GNAT2: variants seen among roughly 807,000 people sequenced by gnomAD.
GNAT2 encodes G protein subunit alpha transducin 2.
GNAT2 carries 32 observed loss-of-function variants against 40.9 expected under a neutral mutation model. That is an observed-to-expected ratio of 0.78 (90% CI 0.59 to 1.05). The LOEUF is 1.05. Among genes scored for constraint, GNAT2 ranks in the 50% least tolerant of loss-of-function variants. The pLI is 0.00. For synonymous variants in GNAT2, 141 were observed against 157.2 expected (o/e 0.90, Z 0.77); for missense variants, 355 against 431.5 (o/e 0.82, Z 1.57).
intron 4 of GNAT2, 167 bp from the exon 5 acceptor site, chr1:109,608,955 G>C: frequency 1.4e-6 from 1 of 691,846 alleles, no homozygotes; most frequent in African/African-American, 1.7e-5. Context: ...GAATTTTTGA[G>C]TATGCTCCCC....
rs751871050 is a variant in GNAT2, at chr1:109,603,937, C to A, written c.874+14G>T. The A allele has an allele frequency of 4.4e-6, 7 of 1,574,458 alleles. No homozygotes were observed. Among genetic ancestry groups the A allele is most frequent in the Non-Finnish European group, 6.1e-6 (7 of 1,145,034 alleles). On this transcript the variant is annotated intron_variant, in intron 8 of 8. Coordinates refer to ENST00000679935, the MANE Select transcript of GNAT2 (RefSeq NM_001377295.2). ...TAAAAGGCATTATTATTATTTCCAG[C>A]CCCTGACACTTACCATCATACTCTG...
At chr1:109,618,006 C>A (rs987854179) in intron 1 of GNAT2, 7 of 152,114 alleles carry the variant, frequency 4.6e-5, no homozygotes, top group African/African-American at 1.4e-4. Context: ...GGGGTTAAGA[C>A]CCCGGGAAGG....
intron 7 of GNAT2, 92 bp downstream of exon 7, chr1:109,605,878 T>TA (rs1232689730): frequency 1.8e-6 from 2 of 1,141,362 alleles, no homozygotes; most frequent in Non-Finnish European, 2.7e-6. Flanking sequence ...TGAAATTACC[T>TA]AAGTTGGGGC....
chr1:109,606,416 C>T lies in GNAT2; in HGVS notation c.482G>A (p.Arg161Gln), dbSNP rs983915440. 2.5e-6 allele frequency: 4 copies of T among 1,613,194 alleles called. No homozygotes were observed. Among genetic ancestry groups the T allele is most frequent in the East Asian group, 4.5e-5 (2 of 44,882 alleles). The stretch of plus-strand genomic sequence containing the variant: ...AGGGAGGTACTCAGGGTCTGTAATT[C>T]GTTCTAATTGGTTCAGGTAGCTAGA... ...SASYYLNQLERITDPEYLPSE... is the reference protein window; with the variant it reads ...SASYYLNQLEQITDPEYLPSE... Residue 161 changes from arginine to glutamine, a missense_variant, in exon 6 of 9, where the codon CGA becomes CAA. By Grantham distance (43) the Arg-to-Gln change is conservative (BLOSUM62 1). Coordinates refer to ENST00000679935, the MANE Select transcript of GNAT2 (RefSeq NM_001377295.2).
chr1:109,603,778 G>C, intron 8 of GNAT2, 173 bp downstream of exon 8: 1 of 674,688 alleles, frequency 1.5e-6, no homozygotes, highest in Non-Finnish European at 2.6e-6. Context: ...TATGAAGTCA[G>C]TGGCTCTCCT....
chr1:109,614,231 A>C, intron 1 of GNAT2: 1 of 152,178 alleles, frequency 6.6e-6, no homozygotes, highest in East Asian at 1.9e-4. Flanking sequence ...GACTCTAAAG[A>C]CATTAAAGAT....
chr1:109,606,460 A>T, intron 5 of GNAT2, 24 bp from the exon 6 acceptor site: 1 of 1,610,296 alleles, frequency 6.2e-7, no homozygotes, highest in Non-Finnish European at 8.5e-7. Context: ...ATTAGCATCA[A>T]TGACAAATTT....
At chr1:109,609,875 AGATGG>A (rs1190242610) in intron 4 of GNAT2, 160 bp downstream of exon 4, 6 of 736,872 alleles carry the variant, frequency 8.1e-6, no homozygotes, top group Non-Finnish European at 1.5e-5. Flanking sequence ...AAGGGCCTTG[AGATGG>A]TATACACAGT....
At position 109,603,434 on chromosome 1, in the gene GNAT2, T is replaced by C. The variant is rs1649492826; in HGVS notation, c.985A>G (p.Thr329Ala). The C allele has an allele frequency of 1.3e-6, 2 of 1,599,844 alleles. No homozygotes were observed. Among genetic ancestry groups the C allele is most frequent in the Non-Finnish European group, 8.6e-7 (1 of 1,166,944 alleles). ...TCAAACACAAATTTGACATTCTGTGTATCTGTAGCACAGGTCATGTGACTG... is the reference window on the plus strand; with the variant it reads ...TCAAACACAAATTTGACATTCTGTGCATCTGTAGCACAGGTCATGTGACTG... ...IYSHMTCATD[T>A]QNVKFVFDAV... is the part of the protein sequence containing the mutation. Residue 329 changes from threonine (T) to alanine (A), a missense_variant, in exon 9 of 9, where the codon ACA becomes GCA. Coordinates refer to ENST00000679935, the MANE Select transcript of GNAT2 (RefSeq NM_001377295.2).
rs1239300204 is a variant in GNAT2, at chr1:109,612,847, C to G, written c.24G>C (p.Glu8Asp). The change falls in exon 2 of 9, where the codon GAG becomes GAC. Residue 8 changes from glutamate to aspartate, a missense_variant. Glu to Asp is a conservative substitution (Grantham distance 45, BLOSUM62 2). Coordinates refer to ENST00000679935, the MANE Select transcript of GNAT2 (RefSeq NM_001377295.2). The part of the protein sequence containing the change: MGSGASA[E>D]DKELAKRSKE... ...TGGACCTCTTGGCCAGTTCTTTGTC[C>G]TCAGCACTGGCTCCACTTCCCATAT... 1 of 1,611,768 alleles carries G rather than the reference C, an allele frequency of 6.2e-7. No individual in the cohort carries two copies. Among genetic ancestry groups the G allele is most frequent in the Non-Finnish European group, 8.5e-7 (1 of 1,178,008 alleles).
rs753280339 is a variant in GNAT2, at chr1:109,603,987, T to C, written c.838A>G (p.Lys280Glu). 5 of 1,611,076 alleles carry C rather than the reference T, an allele frequency of 3.1e-6. No individual in the cohort carries two copies. Among genetic ancestry groups the C allele is most frequent in the Admixed American group, 3.3e-5 (2 of 60,024 alleles). ...GGAAAACAAATGCTGAGATGGACTT[T>C]CTTGATTTTTTCCTCAAAGAGGTCC... ...KKDLFEEKIKKVHLSICFPEY... is the reference protein window; with the variant it reads ...KKDLFEEKIKEVHLSICFPEY... The change falls in exon 8 of 9, where the codon AAA becomes GAA. Residue 280 changes from lysine (K) to glutamate (E), a missense_variant. Transcript: ENST00000679935.
chr1:109,615,480 C>T (rs1034669767), intron 1 of GNAT2: 1 of 151,894 alleles, frequency 6.6e-6, no homozygotes, highest in Admixed American at 6.6e-5. Context: ...AAAAAAAATA[C>T]AAAAATTAGC....
chr1:109,607,107 T>G (rs1169782402), intron 5 of GNAT2: 1 of 152,040 alleles, frequency 6.6e-6, no homozygotes, highest in African/African-American at 2.4e-5. Flanking sequence ...TTATTTCTAC[T>G]TTTGTATGTT....
At chr1:109,613,311 G>T in intron 1 of GNAT2, 1 of 269,200 alleles carries the variant, frequency 3.7e-6, no homozygotes, top group Non-Finnish European at 7.3e-6. Context: ...CATAGAGCTA[G>T]AGATTACTGG....
Position 109,610,502 on chromosome 1 carries a change from C to G in GNAT2, c.124G>C (p.Gly42Arg), listed in dbSNP as rs1158203282. Residue 42 changes from glycine (G) to arginine (R), a missense_variant, in exon 3 of 9, where the codon GGG becomes CGG. By Grantham distance (125) the Gly-to-Arg change is moderately radical (BLOSUM62 -2). Transcript: ENST00000679935. ...KTVKLLLLGA[G>R]ESGKSTIVKQ... ...ACGATGGTGCTCTTTCCTGACTCCCCAGCACCTGGAAGGAAAAATGCTTAT... is the reference window on the plus strand; with the variant it reads ...ACGATGGTGCTCTTTCCTGACTCCCGAGCACCTGGAAGGAAAAATGCTTAT... The G allele has an allele frequency of 6.2e-7, 1 of 1,613,742 alleles. No individual in the cohort carries two copies. Among genetic ancestry groups the G allele is most frequent in the South Asian group, 1.1e-5 (1 of 91,046 alleles).
chr1:109,605,499 T>G (rs1156925899), intron 7 of GNAT2: 5 of 277,552 alleles, frequency 1.8e-5, no homozygotes, highest in Non-Finnish European at 3.5e-5. Flanking sequence ...CTTAAACTCC[T>G]ACGGACAGTA....
chr1:109,606,158 G>C, intron 6 of GNAT2, 59 bp from the exon 7 acceptor site: 1 of 1,599,380 alleles, frequency 6.3e-7, no homozygotes, highest in Non-Finnish European at 8.6e-7. Flanking sequence ...ATATGCCTTT[G>C]ATGGTCACCC....
At chr1:109,607,084 G>A (rs1344634372) in intron 5 of GNAT2, 1 of 151,992 alleles carries the variant, frequency 6.6e-6, no homozygotes, top group Non-Finnish European at 1.5e-5. Context: ...ACTGTTGAAG[G>A]TAATTCATTA....
intron 8 of GNAT2, 29 bp downstream of exon 8, chr1:109,603,919 CATT>C (rs780470433): frequency 1.4e-5 from 20 of 1,480,910 alleles, no homozygotes; most frequent in Middle Eastern, 2.1e-4. Flanking sequence ...TACTAAAAGG[CATT>C]ATTATTATTT....
Sources: allele counts gnomAD v4.1 joint callset, GRCh38; gene constraint gnomAD v4.1.1; transcripts MANE v1.5; gene names NCBI Gene and HGNC (gene_info 2026-07-23, HGNC 2026-07-21).